Variants in LSAMP observed in about 807,000 individuals in gnomAD.
The protein encoded by LSAMP is limbic system associated membrane protein, also known as limbic system-associated membrane protein.
LSAMP carries 7 observed loss-of-function variants against 38.6 expected under a neutral mutation model. That is an observed-to-expected ratio of 0.18 (90% CI 0.10 to 0.34). The LOEUF is 0.34. LSAMP is among the 10% of genes least tolerant of loss of function. The probability of loss-of-function intolerance (pLI) is 1.00; values close to 1 mark genes in which losing one functional copy is unlikely to be tolerated. For missense variants in LSAMP, 313 were observed against 420.0 expected (o/e 0.75, Z 2.23); for synonymous variants, 154 against 166.8 (o/e 0.92, Z 0.59).
At chr3:116,439,952 A>T (rs1466568032) in intron 1 of LSAMP, among the ~76,000 whole-genome samples, 1 of 152,094 alleles carries the variant, frequency 6.6e-6, no homozygotes, top group Admixed American at 6.5e-5. Context: ...CAATCTCTTG[A>T]CCTTGTGATC....
intron 1 of LSAMP, among the ~76,000 whole-genome samples, chr3:116,115,533 T>C (rs1708721279): frequency 6.6e-6 from 1 of 152,218 alleles, no homozygotes; most frequent in East Asian, 1.9e-4. Flanking sequence ...TCCTTTCTTC[T>C]CTTGTCCATT....
At chr3:116,285,814 C>T (rs1362479534) in intron 1 of LSAMP, among the ~76,000 whole-genome samples, 7 of 151,988 alleles carry the variant, frequency 4.6e-5, no homozygotes, top group Non-Finnish European at 8.8e-5. Context: ...CTACACAAAA[C>T]AGTTAGTTGT....
At chr3:115,967,062 C>T (rs144465434) in intron 3 of LSAMP, among the ~76,000 whole-genome samples, 1,610 of 152,242 alleles carry the variant, frequency 0.011, 26 homozygotes, top group African/African-American at 0.037. Context: ...TTGAATTTCT[C>T]GTCAGAAAAT....
chr3:116,149,238 G>GA (rs1239809979), intron 1 of LSAMP, among the ~76,000 whole-genome samples: 1 of 151,886 alleles, frequency 6.6e-6, no homozygotes, highest in Non-Finnish European at 1.5e-5. Context: ...AAAAGGGAAA[G>GA]AAAAAAAGAA....
chr3:116,431,780 A>C (rs2049284610), intron 1 of LSAMP, among the ~76,000 whole-genome samples: 1 of 152,104 alleles, frequency 6.6e-6, no homozygotes, highest in Non-Finnish European at 1.5e-5. Flanking sequence ...CATCTTCATT[A>C]AGCATGCTCA....
At chr3:116,328,313 A>C (rs539158356) in intron 1 of LSAMP, among the ~76,000 whole-genome samples, 3 of 152,336 alleles carry the variant, frequency 2.0e-5, no homozygotes, top group Admixed American at 2.0e-4. Flanking sequence ...CCTGACACTG[A>C]TGATGGGAAA....
intron 6 of LSAMP, among the ~76,000 whole-genome samples, chr3:115,839,038 T>C (rs1934893110): frequency 6.6e-6 from 1 of 152,168 alleles, no homozygotes; most frequent in South Asian, 2.1e-4. Flanking sequence ...AGTGCTTCCG[T>C]CAGGGCCGTG....
intron 3 of LSAMP, among the ~76,000 whole-genome samples, chr3:115,955,947 C>G (rs959390926): frequency 6.6e-6 from 1 of 152,034 alleles, no homozygotes; most frequent in Non-Finnish European, 1.5e-5. Flanking sequence ...CAGCATCAGG[C>G]ATTTTTTTAA....
chr3:115,861,126 TTTCTTTCCTTCCTTCC>T (rs1304799982), intron 3 of LSAMP, among the ~76,000 whole-genome samples: 4,048 of 84,640 alleles, frequency 0.048, 262 homozygotes, highest in Middle Eastern at 0.065. Flanking sequence ...TCCTTCCTTC[TTTCTTTCCTTCCTTCC>T]TTCCTTCCTT....
At chr3:116,376,404 T>G (rs2048493696) in intron 1 of LSAMP, among the ~76,000 whole-genome samples, 1 of 152,046 alleles carries the variant, frequency 6.6e-6, no homozygotes, top group African/African-American at 2.4e-5. Flanking sequence ...AATGCTTGAC[T>G]TCTTTCAAAA....
chr3:116,330,540 C>A (rs1384176110), intron 1 of LSAMP, among the ~76,000 whole-genome samples: 1 of 151,750 alleles, frequency 6.6e-6, no homozygotes, highest in South Asian at 2.1e-4. Context: ...CTTAAAGGAC[C>A]AGCATGCTCC....
chr3:116,019,428 A>C, intron 3 of LSAMP, 87 bp downstream of exon 3: 1 of 1,477,098 alleles, frequency 6.8e-7, no homozygotes, highest in Non-Finnish European at 9.3e-7. Flanking sequence ...TCTGAATTGA[A>C]TTGAAATTTC....
At chr3:116,201,032 G>A (rs1372884440) in intron 1 of LSAMP, among the ~76,000 whole-genome samples, 1 of 152,234 alleles carries the variant, frequency 6.6e-6, no homozygotes, top group Non-Finnish European at 1.5e-5. Flanking sequence ...TAACAAGTGA[G>A]GAGCACGCTT....
intron 1 of LSAMP, among the ~76,000 whole-genome samples, chr3:116,419,001 T>C (rs1181892125): frequency 1.3e-5 from 2 of 152,228 alleles, no homozygotes; most frequent in African/African-American, 4.8e-5. Context: ...TATCTGTTCT[T>C]ATTCCTTTTA....
Position 115,839,262 on chromosome 3 carries a change from TTTCCTTCCTTCCTTCC to T in LSAMP, c.919+2567_919+2582del, listed in dbSNP as rs1192339424. 2.8e-3 allele frequency among the ~76,000 whole-genome samples: 219 copies of T among 78,686 alleles called. 1 individual carries two copies. Among genetic ancestry groups the T allele is most frequent in the African/African-American group, 5.9e-3 (105 of 17,738 alleles). 51.6% of individuals were successfully genotyped at this position (78,686 alleles called of 152,430 possible). ...CTTTCCTTCCTTCCTTCCTTCTTTC[TTTCCTTCCTTCCTTCC>T]TTCCTTCCTTCCTTCCTTCCTTCCT... On this transcript the variant is annotated intron_variant, in intron 6 of 6. Coordinates refer to ENST00000490035, the MANE Select transcript of LSAMP (RefSeq NM_002338.5).
At chr3:116,049,711 A>G (rs966725579) in intron 2 of LSAMP, among the ~76,000 whole-genome samples, 1 of 152,240 alleles carries the variant, frequency 6.6e-6, no homozygotes, top group Non-Finnish European at 1.5e-5. Flanking sequence ...ATAAGAATCT[A>G]TTTATAATAT....
chr3:116,036,722 G>A (rs989694630), intron 2 of LSAMP, among the ~76,000 whole-genome samples: 4 of 152,066 alleles, frequency 2.6e-5, no homozygotes, highest in African/African-American at 7.2e-5. Context: ...GAGTATTATT[G>A]AATTAGCAAA....
chr3:116,095,789 T>A (rs1249903559), intron 1 of LSAMP, among the ~76,000 whole-genome samples: 4 of 152,164 alleles, frequency 2.6e-5, no homozygotes, highest in Non-Finnish European at 5.9e-5. Flanking sequence ...GTCAGAAAAA[T>A]AAATCATTCT....
At chr3:116,382,985 C>T (rs558490393) in intron 1 of LSAMP, among the ~76,000 whole-genome samples, 2 of 152,224 alleles carry the variant, frequency 1.3e-5, no homozygotes, top group Admixed American at 6.5e-5. Flanking sequence ...TGTTAATTTC[C>T]CTTTGCCTAC....
Sources: allele counts gnomAD v4.1 joint callset (sites outside exome capture counted in the v4.1 genomes callset), GRCh38; gene constraint gnomAD v4.1.1; transcripts MANE v1.5; gene names NCBI Gene and HGNC (gene_info 2026-07-23, HGNC 2026-07-21).